CNTN6: variants seen among roughly 807,000 people sequenced by gnomAD.
CNTN6 encodes the protein contactin 6, also known as contactin-6.
Under a neutral mutation model 122.8 loss-of-function variants are expected in CNTN6, and 137 were observed. The observed-to-expected ratio is 1.12, with a 90% CI of 0.97 to 1.29. CNTN6 has a LOEUF of 1.29. CNTN6 is among the 50% of genes most tolerant of loss of function. The pLI, the probability that CNTN6 is intolerant of heterozygous loss-of-function variation, is 0.00. For missense variants in CNTN6, 1,634 were observed against 1,223.4 expected (o/e 1.34, Z -5.01); for synonymous variants, 570 against 426.0 (o/e 1.34, Z -4.16).
intron 1 of CNTN6, among the ~76,000 whole-genome samples, chr3:1,118,129 T>A (rs1443271118): frequency 6.6e-6 from 1 of 152,194 alleles, no homozygotes; most frequent in Non-Finnish European, 1.5e-5. Context: ...TATGTAACTC[T>A]GCTGCGGTGG....
intron 2 of CNTN6, among the ~76,000 whole-genome samples, chr3:1,158,243 T>C (rs1230966934): frequency 1.3e-5 from 2 of 152,238 alleles, no homozygotes; most frequent in African/African-American, 4.8e-5. Context: ...GGTGACATGA[T>C]ATCTCATTGT....
intron 2 of CNTN6, among the ~76,000 whole-genome samples, chr3:1,212,517 ATGTGTGTG>A (rs555661502): frequency 6.6e-6 from 1 of 151,158 alleles, no homozygotes; most frequent in African/African-American, 2.4e-5. Flanking sequence ...ATATATACAT[ATGTGTGTG>A]TATATATATA....
Position 1,321,761 on chromosome 3 carries a change from TGAA to T in CNTN6, c.875_877del (p.Glu292del). The T allele has an allele frequency of 2.5e-6, 4 of 1,611,896 alleles. No individual in the cohort carries two copies. In the Middle Eastern group the frequency reaches 5.0e-4, roughly 200 times the overall value. On this transcript the variant is annotated inframe_deletion, in exon 8 of 23. Coordinates refer to ENST00000446702, the MANE Select transcript of CNTN6 (RefSeq NM_001289080.2). ...AAATCCCGAACTTCCAACAAGAAGA[TGAA>T]GGCTTTTATGAGTGCATTGCAAGCA...
At chr3:1,332,572 AAGAG>A (rs755534216) in intron 11 of CNTN6, among the ~76,000 whole-genome samples, 13 of 151,300 alleles carry the variant, frequency 8.6e-5, no homozygotes, top group African/African-American at 2.9e-4. Flanking sequence ...GAAAGAAAGA[AAGAG>A]AGAGAGGAAG....
chr3:1,116,960 C>G (rs1284221814), intron 1 of CNTN6, among the ~76,000 whole-genome samples: 1 of 152,132 alleles, frequency 6.6e-6, no homozygotes, highest in East Asian at 1.9e-4. Flanking sequence ...CTCCCTCAGT[C>G]TCGCAAATTT....
chr3:1,229,207 A>G (rs991141672), intron 4 of CNTN6, among the ~76,000 whole-genome samples: 17 of 152,220 alleles, frequency 1.1e-4, no homozygotes, highest in Admixed American at 8.5e-4. Context: ...AAATATTTAT[A>G]ACACTTGATT....
chr3:1,203,589 A>G (rs1334912642), intron 2 of CNTN6, among the ~76,000 whole-genome samples: 1 of 152,236 alleles, frequency 6.6e-6, no homozygotes, highest in African/African-American at 2.4e-5. Context: ...GGAGACGTTT[A>G]GCCCAAATGC....
At chr3:1,329,325 T>C (rs1379529836) in intron 10 of CNTN6, among the ~76,000 whole-genome samples, 1 of 151,664 alleles carries the variant, frequency 6.6e-6, no homozygotes, top group Non-Finnish European at 1.5e-5. Flanking sequence ...TGGAATAGAC[T>C]TTCCTGGTCA....
chr3:1,282,686 C>G (rs1185068951), intron 5 of CNTN6, among the ~76,000 whole-genome samples: 1 of 152,180 alleles, frequency 6.6e-6, no homozygotes, highest in Non-Finnish European at 1.5e-5. Flanking sequence ...CAAAACTTCA[C>G]TAAGATTCCT....
At chr3:1,150,755 C>T (rs923996111) in intron 2 of CNTN6, among the ~76,000 whole-genome samples, 1 of 152,154 alleles carries the variant, frequency 6.6e-6, no homozygotes, top group East Asian at 1.9e-4. Flanking sequence ...CCTGTGAGTG[C>T]TACTTGATAC....
In CNTN6 at chr3:1,221,959, C is replaced by T. The variant is rs563070306; in HGVS notation, c.182+1146C>T. Among the ~76,000 whole-genome samples, 29 of 152,216 alleles carry T rather than the reference C, an allele frequency of 1.9e-4. 2 individuals are homozygous for T. The South Asian group carries it at 6.0e-3, about 32-fold the overall frequency. On this transcript the variant is annotated intron_variant, in intron 3 of 22. Transcript: ENST00000446702. The stretch of plus-strand genomic sequence containing the variant: ...GCAGTAAAAATACACTCTTGATGTG[C>T]ATAGTTATTTAGATCCTAAAATTGT...
intron 17 of CNTN6, among the ~76,000 whole-genome samples, chr3:1,380,638 C>T (rs533696994): frequency 5.3e-5 from 8 of 152,226 alleles, no homozygotes; most frequent in South Asian, 4.1e-4. Context: ...TATTCAGTCT[C>T]GTGGGCCACA....
chr3:1,382,966 G>A lies in CNTN6; in HGVS notation c.2191G>A (p.Gly731Arg). ...GTCAATTCCAGAAGAACTGCAGAAT[G>A]GGGAGGGATTTGGATATATCATCAT... ...WESIPEELQN[G>R]EGFGYIIMFR... Residue 731 changes from glycine (G) to arginine (R), a missense_variant, in exon 18 of 23, where the codon GGG becomes AGG. Physicochemically the swap from Gly to Arg is moderately radical, Grantham distance 125. Transcript: ENST00000446702. The A allele has an allele frequency of 6.2e-7, 1 of 1,613,918 alleles. No individual in the cohort carries two copies. The highest frequency in any genetic ancestry group is 8.5e-7 in the Non-Finnish European group (1 of 1,179,834).
At chr3:1,354,894 G>A (rs1009230100) in intron 12 of CNTN6, among the ~76,000 whole-genome samples, 5 of 151,434 alleles carry the variant, frequency 3.3e-5, no homozygotes, top group African/African-American at 9.7e-5. Context: ...ATTTCTGACA[G>A]ACATCGATCA....
chr3:1,201,291 G>T (rs1023282328), intron 2 of CNTN6, among the ~76,000 whole-genome samples: 1 of 152,208 alleles, frequency 6.6e-6, no homozygotes, highest in Admixed American at 6.5e-5. Flanking sequence ...CTTTCTAAAA[G>T]AATCCATTTG....
chr3:1,119,058 G>T (rs2091846030), intron 1 of CNTN6, among the ~76,000 whole-genome samples: 2 of 152,096 alleles, frequency 1.3e-5, no homozygotes, highest in African/African-American at 4.8e-5. Context: ...GAAGGAATTT[G>T]AAAAGAAGTC....
intron 2 of CNTN6, among the ~76,000 whole-genome samples, chr3:1,208,417 A>G (rs1435892006): frequency 6.6e-6 from 1 of 152,000 alleles, no homozygotes; most frequent in Non-Finnish European, 1.5e-5. Context: ...TTTCAATGCC[A>G]TTCTTATTTT....
chr3:1,098,787 CACATAT>C (rs1158155338), intron 1 of CNTN6, among the ~76,000 whole-genome samples: 10 of 55,686 alleles, frequency 1.8e-4, no homozygotes, highest in East Asian at 1.2e-3. Context: ...CACACACACA[CACATAT>C]ATATATATAT....
At chr3:1,134,919 T>G (rs1441864922) in intron 1 of CNTN6, among the ~76,000 whole-genome samples, 4 of 152,230 alleles carry the variant, frequency 2.6e-5, no homozygotes, top group Admixed American at 2.6e-4. Context: ...CCCCTGCCCT[T>G]GGAGAAATGT....
Sources: gnomAD v4.1 joint callset for allele counts (sites outside exome capture counted in the v4.1 genomes callset) on GRCh38, gnomAD v4.1.1 for gene constraint, MANE v1.5 for transcripts, NCBI Gene and HGNC (gene_info 2026-07-23, HGNC 2026-07-21) for gene names.